The following DENND2C variants were observed in gnomAD, a reference collection of about 807,000 sequenced individuals.
DENND2C encodes the protein DENN domain containing 2C.
In DENND2C, 72 loss-of-function variants were observed where a neutral mutation model predicts 112.4. The observed-to-expected ratio is 0.64, with a 90% CI of 0.53 to 0.78. The LOEUF (loss-of-function observed/expected upper bound fraction) is 0.78. DENND2C is among the 30% of genes least tolerant of loss of function. DENND2C has a pLI of 0.00. For missense variants in DENND2C, 992 were observed against 1,113.8 expected (o/e 0.89, Z 1.56); for synonymous variants, 329 against 381.6 (o/e 0.86, Z 1.61).
intron 16 of DENND2C, among the ~76,000 whole-genome samples, chr1:114,596,873 C>G (rs952194004): frequency 6.6e-6 from 1 of 152,000 alleles, no homozygotes; most frequent in Non-Finnish European, 1.5e-5. Flanking sequence ...GAAGCAACCC[C>G]TACTTCACAT....
intron 3 of DENND2C, among the ~76,000 whole-genome samples, chr1:114,641,260 CAAAA>C (rs11316853): frequency 3.0e-5 from 3 of 99,032 alleles, no homozygotes; most frequent in Non-Finnish European, 6.1e-5. Context: ...GATCCTTTCT[CAAAA>C]AAAAAAAAAA....
intron 3 of DENND2C, among the ~76,000 whole-genome samples, chr1:114,644,582 A>G (rs749777360): frequency 1.4e-4 from 22 of 152,198 alleles, no homozygotes; most frequent in Non-Finnish European, 2.6e-4. Flanking sequence ...GTAACACCAA[A>G]ATAACTTATT....
chr1:114,601,442 C>T, intron 13 of DENND2C, 66 bp downstream of exon 13: 1 of 1,500,650 alleles, frequency 6.7e-7, no homozygotes, highest in Non-Finnish European at 9.1e-7. Flanking sequence ...ATGTTAAACT[C>T]TATGCCACTT....
chr1:114,658,691 G>A (rs1222142509), intron 1 of DENND2C, among the ~76,000 whole-genome samples: 3 of 151,682 alleles, frequency 2.0e-5, no homozygotes, highest in Admixed American at 1.3e-4. Flanking sequence ...TAAATACATG[G>A]AAGAGGGAGG....
intron 1 of DENND2C, among the ~76,000 whole-genome samples, chr1:114,661,106 CA>C (rs61417132): frequency 0.17 from 17,647 of 102,640 alleles, 1,346 homozygotes; most frequent in African/African-American, 0.35. Flanking sequence ...GACTCCGTCT[CA>C]AAAAAAAAAA....
At chr1:114,650,001 C>T (rs1657108999) in intron 2 of DENND2C, among the ~76,000 whole-genome samples, 1 of 151,926 alleles carries the variant, frequency 6.6e-6, no homozygotes, top group African/African-American at 2.4e-5. Flanking sequence ...TTGTATCCTG[C>T]TTTTTTTCAT....
At chr1:114,645,841 GT>G (rs1279319616) in intron 2 of DENND2C, among the ~76,000 whole-genome samples, 1 of 151,886 alleles carries the variant, frequency 6.6e-6, no homozygotes, top group Non-Finnish European at 1.5e-5. Context: ...CACATTCTTT[GT>G]TTTGGGCAAC....
intron 16 of DENND2C, among the ~76,000 whole-genome samples, chr1:114,598,585 T>C (rs1367203057): frequency 6.6e-6 from 1 of 152,204 alleles, no homozygotes; most frequent in Non-Finnish European, 1.5e-5. Context: ...ACTGATCCCA[T>C]TGTGGTAATA....
chr1:114,637,519 GA>G (rs894662986), intron 3 of DENND2C, among the ~76,000 whole-genome samples: 2 of 151,386 alleles, frequency 1.3e-5, no homozygotes, highest in African/African-American at 4.9e-5. Context: ...GAATATTCAA[GA>G]TTTTTTTTTT....
chr1:114,608,977 G>T, intron 9 of DENND2C, 104 bp from the exon 10 acceptor site: 1 of 1,230,812 alleles, frequency 8.1e-7, no homozygotes, highest in Non-Finnish European at 1.2e-6. Context: ...CACAGTCACT[G>T]CTGAATGAAT....
intron 1 of DENND2C, among the ~76,000 whole-genome samples, chr1:114,655,190 C>T (rs1042545566): frequency 1.3e-5 from 2 of 152,184 alleles, no homozygotes; most frequent in Admixed American, 1.3e-4. Context: ...AACAGAGGTA[C>T]AGAATCAAAT....
chr1:114,623,615 G>T lies in DENND2C; in HGVS notation c.835C>A (p.His279Asn), dbSNP rs773973464. The change falls in exon 5 of 21, where the codon CAC becomes AAC. Residue 279 changes from histidine (H) to asparagine (N), a missense_variant. His to Asn is a moderately conservative substitution (Grantham distance 68). Around this residue, in one of 3 missense-constraint regions of DENND2C, gnomAD observed 470 missense variants for 472.7 expected, o/e 0.99. Transcript: ENST00000393274. ...GTCTGTGAGTTCCGATTTCGAAAGT[G>T]CTGAATATCCTCAAATTCAAAGGAT... Reference protein sequence around the residue: ...RKSFEFEDIQHFRNRNSQTIR... With the variant: ...RKSFEFEDIQNFRNRNSQTIR... 59 of 1,602,088 alleles carry T rather than the reference G, an allele frequency of 3.7e-5. No homozygotes were observed. Among genetic ancestry groups the T allele is most frequent in the Non-Finnish European group, 4.9e-5 (58 of 1,174,696 alleles).
At chr1:114,656,405 T>C (rs561211328) in intron 1 of DENND2C, among the ~76,000 whole-genome samples, 15 of 149,996 alleles carry the variant, frequency 1.0e-4, no homozygotes, top group Middle Eastern at 3.4e-3. Flanking sequence ...TTCTTTCTTT[T>C]TTTTTTTTTT....
intron 6 of DENND2C, among the ~76,000 whole-genome samples, chr1:114,622,411 T>C (rs763189430): frequency 6.6e-6 from 1 of 152,142 alleles, no homozygotes; most frequent in Admixed American, 6.6e-5. Flanking sequence ...CCACTGCACC[T>C]GGCCAGCATC....
chr1:114,648,432 T>A (rs527834888), intron 2 of DENND2C, among the ~76,000 whole-genome samples: 15 of 152,306 alleles, frequency 9.8e-5, no homozygotes, highest in African/African-American at 3.4e-4. Context: ...CTAAGAAAAG[T>A]GCAAGGCTTA....
intron 9 of DENND2C, among the ~76,000 whole-genome samples, chr1:114,610,005 A>G (rs565181561): frequency 6.6e-6 from 1 of 152,312 alleles, no homozygotes; most frequent in East Asian, 1.9e-4. Flanking sequence ...CAGTCAGGCT[A>G]CAGAATCAAA....
intron 2 of DENND2C, among the ~76,000 whole-genome samples, chr1:114,650,988 AG>A (rs1657144387): frequency 2.0e-5 from 3 of 152,232 alleles, no homozygotes; most frequent in Middle Eastern, 3.4e-3. Context: ...AAGCGCCTGT[AG>A]TCCCAGCTAC....
intron 2 of DENND2C, among the ~76,000 whole-genome samples, chr1:114,653,651 TG>T (rs1215959231): frequency 6.6e-6 from 1 of 151,844 alleles, no homozygotes; most frequent in Non-Finnish European, 1.5e-5. Flanking sequence ...TTGTGTTTTT[TG>T]TTGTTTTTAA....
chr1:114,644,961 AAATTT>A (rs1399148712), intron 3 of DENND2C, among the ~76,000 whole-genome samples: 1 of 152,204 alleles, frequency 6.6e-6, no homozygotes, highest in Admixed American at 6.5e-5. Flanking sequence ...CTGAAACTAA[AAATTT>A]AAAGGCATGA....
Sources: allele counts gnomAD v4.1 joint callset (sites outside exome capture counted in the v4.1 genomes callset), GRCh38; gene constraint gnomAD v4.1.1; regional missense constraint gnomAD v4.1.1; transcripts MANE v1.5; gene names NCBI Gene and HGNC (gene_info 2026-07-23, HGNC 2026-07-21).